The following PRR16 variants were observed in gnomAD, a reference collection of about 807,000 sequenced individuals.
PRR16 encodes the protein proline rich 16, also known as protein Largen.
PRR16 carries 6 observed loss-of-function variants against 18.2 expected under a neutral mutation model. The observed-to-expected ratio is 0.33, with a 90% CI of 0.18 to 0.65. The LOEUF is 0.65. Ranked by LOEUF, PRR16 falls within the 30% of genes least tolerant of loss-of-function variation. The pLI is 0.74. For missense variants in PRR16, 412 were observed against 376.6 expected (o/e 1.09, Z -0.78); for synonymous variants, 151 against 147.8 (o/e 1.02, Z -0.16).
intron 1 of PRR16, among the ~76,000 whole-genome samples, chr5:120,642,264 T>C (rs1324166305): frequency 6.6e-6 from 1 of 152,040 alleles, no homozygotes; most frequent in African/African-American, 2.4e-5. Context: ...ACAGCTGTTT[T>C]TTTTTTTCCC....
intron 1 of PRR16, among the ~76,000 whole-genome samples, chr5:120,492,262 G>C (rs1218837885): frequency 1.4e-4 from 1 of 7,380 alleles, no homozygotes; most frequent in African/African-American, 1.7e-4. Flanking sequence ...TTGAGTGTGT[G>C]TGTGTGTGTG....
Position 120,528,978 on chromosome 5 carries a change from T to C in PRR16, c.159+64333T>C, listed in dbSNP as rs571888345. 2.6e-5 allele frequency among the ~76,000 whole-genome samples: 4 copies of C among 152,310 alleles called. No individual in the cohort carries two copies. The East Asian group carries it at 7.7e-4, about 29-fold the overall frequency. ...AGATTTACTTGGCTGGTATTTTGTA[T>C]CTTGAGTGGAAAATCATATTTTTCC... On this transcript the variant is annotated intron_variant, in intron 1 of 1. Transcript: ENST00000407149.
chr5:120,648,426 G>C (rs1222125021), intron 1 of PRR16, among the ~76,000 whole-genome samples: 9 of 151,840 alleles, frequency 5.9e-5, no homozygotes, highest in African/African-American at 2.2e-4. Context: ...GAGTTAAACT[G>C]TTTGTTCCAC....
At chr5:120,641,053 G>C (rs1438492480) in intron 1 of PRR16, among the ~76,000 whole-genome samples, 2 of 152,136 alleles carry the variant, frequency 1.3e-5, no homozygotes, top group African/African-American at 4.8e-5. Flanking sequence ...TGGGTGGGGA[G>C]AGGAGAGGAG....
chr5:120,754,583 A>G, the PRR16 span, among the ~76,000 whole-genome samples: 1 of 100,602 alleles, frequency 9.9e-6, no homozygotes, highest in Non-Finnish European at 1.9e-5. Flanking sequence ...TATATTTTAT[A>G]TATTATATAT....
chr5:120,707,675 C>A, the PRR16 span, among the ~76,000 whole-genome samples: 2 of 152,062 alleles, frequency 1.3e-5, no homozygotes, highest in Admixed American at 1.3e-4. Context: ...TTCCGTTTAC[C>A]CTCTTTAAAT....
At chr5:120,639,730 G>A (rs1012422213) in intron 1 of PRR16, among the ~76,000 whole-genome samples, 16 of 151,644 alleles carry the variant, frequency 1.1e-4, no homozygotes, top group African/African-American at 3.9e-4. Context: ...AAAGCAGTTT[G>A]GAGGGTTCTC....
intron 1 of PRR16, among the ~76,000 whole-genome samples, chr5:120,630,052 C>A (rs1755002895): frequency 6.6e-6 from 1 of 151,994 alleles, no homozygotes; most frequent in African/African-American, 2.4e-5. Context: ...TTTCTTCTAT[C>A]TGAGGATTCA....
chr5:120,687,491 C>T (rs1253993858), downstream of PRR16, among the ~76,000 whole-genome samples: 1 of 152,152 alleles, frequency 6.6e-6, no homozygotes, highest in Non-Finnish European at 1.5e-5. Context: ...ATATTTTATA[C>T]TTCCATTTGG....
At chr5:120,562,162 G>T (rs1752595761) in intron 1 of PRR16, among the ~76,000 whole-genome samples, 2 of 152,038 alleles carry the variant, frequency 1.3e-5, no homozygotes, top group African/African-American at 2.4e-5. Flanking sequence ...GTGTGTTCCA[G>T]TGTTGGGTGG....
rs116819752 is a variant in PRR16, at chr5:120,578,240, A to G, written c.160-107714A>G. On this transcript the variant is annotated intron_variant, in intron 1 of 1. Coordinates refer to ENST00000407149, the MANE Select transcript of PRR16 (RefSeq NM_001300783.2). ...CTTGCTATCTTATTTCCTCACTAAT[A>G]ATAATACCTTAATTTTCTGAGTTAC... 6.8e-3 allele frequency among the ~76,000 whole-genome samples: 1,043 copies of G among 152,264 alleles called. 17 individuals are homozygous for G. Among genetic ancestry groups the G allele is most frequent in the African/African-American group, 0.023 (958 of 41,558 alleles).
At chr5:120,479,531 T>C (rs1749544374) in intron 1 of PRR16, among the ~76,000 whole-genome samples, 1 of 152,186 alleles carries the variant, frequency 6.6e-6, no homozygotes, top group Non-Finnish European at 1.5e-5. Flanking sequence ...TTTGCTTTAA[T>C]ATATTAAAAT....
intron 1 of PRR16, among the ~76,000 whole-genome samples, chr5:120,646,222 A>T (rs1204099978): frequency 6.6e-6 from 1 of 151,628 alleles, no homozygotes. Flanking sequence ...CAGTCACCTT[A>T]TTTATAGAAT....
chr5:120,557,000 A>G (rs1561544886), intron 1 of PRR16, among the ~76,000 whole-genome samples: 1 of 151,946 alleles, frequency 6.6e-6, no homozygotes. Context: ...ATTCTCCACT[A>G]TTCATTTCTA....
intron 1 of PRR16, among the ~76,000 whole-genome samples, chr5:120,491,164 T>A (rs1750024519): frequency 6.6e-6 from 1 of 152,142 alleles, no homozygotes. Flanking sequence ...GGAGAACCAC[T>A]ACTCTCTTCA....
intron 1 of PRR16, among the ~76,000 whole-genome samples, chr5:120,499,725 T>G (rs1052052212): frequency 6.6e-6 from 1 of 152,180 alleles, no homozygotes; most frequent in Non-Finnish European, 1.5e-5. Flanking sequence ...TTTAAAACCT[T>G]TGACACCTCT....
At chr5:120,711,618 T>C in the PRR16 span, among the ~76,000 whole-genome samples, 3 of 152,194 alleles carry the variant, frequency 2.0e-5, no homozygotes, top group South Asian at 2.1e-4. Context: ...TATAGTCCTA[T>C]AGATACATCT....
At chr5:120,762,430 G>T in the PRR16 span, among the ~76,000 whole-genome samples, 1 of 152,046 alleles carries the variant, frequency 6.6e-6, no homozygotes, top group Non-Finnish European at 1.5e-5. Context: ...TATTGTGATT[G>T]TTGTAGTTTT....
the PRR16 span, among the ~76,000 whole-genome samples, chr5:120,709,336 T>C: frequency 2.0e-5 from 3 of 152,112 alleles, no homozygotes; most frequent in African/African-American, 7.2e-5. Flanking sequence ...TTATTTTACT[T>C]TGTTATTTTT....
Sources: gnomAD v4.1 joint callset for allele counts (sites outside exome capture counted in the v4.1 genomes callset) on GRCh38, gnomAD v4.1.1 for gene constraint, MANE v1.5 for transcripts, NCBI Gene and HGNC (gene_info 2026-07-23, HGNC 2026-07-21) for gene names.